The following LMTK3 variants were observed in gnomAD, a reference collection of about 807,000 sequenced individuals.
The protein encoded by LMTK3 is serine/threonine-protein kinase LMTK3.
A neutral mutation model predicts 116.7 loss-of-function variants in LMTK3; 27 were observed. That is an observed-to-expected ratio of 0.23 (90% CI 0.17 to 0.32). LMTK3 has a LOEUF of 0.32. LMTK3 is among the 10% of genes least tolerant of loss of function. The pLI, the probability that LMTK3 is intolerant of heterozygous loss-of-function variation, is 1.00. For synonymous variants in LMTK3, 965 were observed against 971.0 expected, an observed-to-expected ratio of 0.99 and a Z score of 0.11; for missense variants, 1,764 against 2,068.5, an observed-to-expected ratio of 0.85 and a Z score of 2.86.
intron 12 of LMTK3, 64 bp downstream of exon 12, chr19:48,493,630 C>A: frequency 2.7e-6 from 4 of 1,504,472 alleles, no homozygotes; most frequent in Non-Finnish European, 3.6e-6. Context: ...AGGCCCTTCC[C>A]GGCTCTAGGC....
chr19:48,502,480 C>G lies in LMTK3; in HGVS notation c.747G>C (p.Glu249Asp). The part of the protein sequence containing the change: ...DLRTLQRMGL[E>D]IARGLAHLHS... ...GCAGGTGCGCCAGCCCGCGGGCGAT[C>G]TCCAGGCCCATCCTCTGCAGCGTCC... Residue 249 changes from glutamate to aspartate, a missense_variant, in exon 7 of 15, where the codon GAG becomes GAC. Transcript: ENST00000600059. 5 of 1,611,478 alleles carry G rather than the reference C, an allele frequency of 3.1e-6. No homozygotes were observed. The highest frequency in any genetic ancestry group is 3.4e-6 in the Non-Finnish European group (4 of 1,179,226).
chr19:48,492,287 C>A (rs1601042070), intron 12 of LMTK3, among the ~76,000 whole-genome samples: 1 of 152,208 alleles, frequency 6.6e-6, no homozygotes, highest in African/African-American at 2.4e-5. Context: ...CTCCTGGGCT[C>A]AAGCGATCCT....
At chr19:48,508,483 T>C (rs1458877243) in intron 5 of LMTK3, among the ~76,000 whole-genome samples, 1 of 152,040 alleles carries the variant, frequency 6.6e-6, no homozygotes, top group African/African-American at 2.4e-5. Context: ...GTCTGTGGCC[T>C]GGGGAAGGGA....
At chr19:48,493,180 T>C (rs144422898) in intron 12 of LMTK3, among the ~76,000 whole-genome samples, 4,393 of 150,970 alleles carry the variant, frequency 0.029, 78 homozygotes, top group South Asian at 0.083. Context: ...AGGCGCGGTC[T>C]CCTTCCAGGC....
intron 5 of LMTK3, 122 bp downstream of exon 5, chr19:48,508,729 G>A (rs1430525648): frequency 1.2e-6 from 1 of 802,620 alleles, no homozygotes. Flanking sequence ...AGGGAGGGAA[G>A]TTCTCCTGCC....
rs1033696844 is a variant in LMTK3, at chr19:48,510,040, G to T, written c.344C>A (p.Pro115Gln). 2.5e-6 allele frequency: 4 copies of T among 1,613,900 alleles called. No individual in the cohort carries two copies. The highest frequency in any genetic ancestry group is 1.7e-6 in the Non-Finnish European group (2 of 1,179,870). Reference sequence around the variant, plus strand: ...GGCAGTACCTGAGTGTGAAGGCTGCGGGGCAGGCATTGGCAGGGAGACCTC... The same window carrying T: ...GGCAGTACCTGAGTGTGAAGGCTGCTGGGCAGGCATTGGCAGGGAGACCTC... ...LAEVSLPMPA[P>Q]QPSHSDMTTP... The change falls in exon 3 of 15, where the codon CCG becomes CAG. Residue 115 changes from proline (P) to glutamine (Q), a missense_variant. Pro to Gln is a moderately conservative substitution (Grantham distance 76, BLOSUM62 -1). Transcript: ENST00000600059.
At position 48,511,533 on chromosome 19, in the gene LMTK3, G is replaced by T; in HGVS notation, c.44C>A (p.Ala15Asp). The T allele has an allele frequency of 7.0e-7, 1 of 1,424,958 alleles. No individual in the cohort carries two copies. Among genetic ancestry groups the T allele is most frequent in the South Asian group, 1.5e-5 (1 of 66,520 alleles). The allele number at this position is 1,424,958 out of a possible 1,614,324, so 88.3% of individuals were successfully genotyped here. A position where few individuals can be genotyped will look rare whatever the true frequency, so the allele number is the denominator to read the frequency against. ...GGCCGGGGACGCCAGGCAGCCGGAG[G>T]CGGAGACGGCCGCAAGGAGGATGAG... ...GALILLAAVSASGCLASPAHP... is the reference protein window; with the variant it reads ...GALILLAAVSDSGCLASPAHP... Residue 15 changes from alanine to aspartate, a missense_variant, in exon 1 of 15, where the codon GCC (alanine) becomes GAC (aspartate). Transcript: ENST00000600059.
chr19:48,486,927 G>A (rs1395781298), intron 14 of LMTK3, among the ~76,000 whole-genome samples: 1 of 151,502 alleles, frequency 6.6e-6, no homozygotes, highest in Non-Finnish European at 1.5e-5. Context: ...ATGCAGTGGC[G>A]CAATCTTGAC....
chr19:48,505,853 C>T (rs1306036467), intron 5 of LMTK3, among the ~76,000 whole-genome samples: 7 of 131,102 alleles, frequency 5.3e-5, no homozygotes, highest in African/African-American at 2.0e-4. Context: ...AAGATTGAAA[C>T]TCTGTCTAAA....
At chr19:48,505,888 C>A (rs1347054903) in intron 5 of LMTK3, among the ~76,000 whole-genome samples, 1 of 146,152 alleles carries the variant, frequency 6.8e-6, no homozygotes, top group Non-Finnish European at 1.5e-5. Context: ...AGTCTGTAAT[C>A]CGAATACTTT....
At position 48,485,590 on chromosome 19, in the gene LMTK3, TGGGGGGCG is replaced by T; in HGVS notation, c.*175_*182del. On this transcript the variant is annotated 3_prime_UTR_variant, in exon 15 of 15. Transcript: ENST00000600059. ...GGGTCAGGGGAGCCATCTGGGGGGC[TGGGGGGCG>T]GGGGCCCGGGGCCTCCCGTTTGGCA... is the stretch of plus-strand genomic sequence containing the variant. The T allele has an allele frequency of 6.9e-6, 3 of 436,784 alleles. No homozygotes were observed. The highest frequency in any genetic ancestry group is 1.1e-5 in the Non-Finnish European group (3 of 271,386). The allele number at this position is 436,784 out of a possible 1,614,324, so 27.1% of individuals were successfully genotyped here.
At position 48,494,774 on chromosome 19, in the gene LMTK3, T is replaced by C. The variant is rs1294242705; in HGVS notation, c.3677-665A>G. On this transcript the variant is annotated intron_variant, in intron 11 of 14. Transcript: ENST00000600059. This position sits in a 1 kb window ranked among gnomAD's most constrained non-coding sequence, Gnocchi z 4.0. The stretch of plus-strand genomic sequence containing the variant: ...GAGGTGGGGCAGGGAGAAAGATGAA[T>C]GCAGACGGTCCCTCTCAGGTCCTCG... Among the ~76,000 whole-genome samples the C allele has an allele frequency of 6.6e-6, 1 of 152,190 alleles. No homozygotes were observed. Among genetic ancestry groups the C allele is most frequent in the Non-Finnish European group, 1.5e-5 (1 of 68,036 alleles).
At position 48,487,484 on chromosome 19, in the gene LMTK3, CT is replaced by C. The variant is rs989477400; in HGVS notation, c.4367-1696del. Among the ~76,000 whole-genome samples, 27 of 152,244 alleles carry C rather than the reference CT, an allele frequency of 1.8e-4. 3 individuals carry two copies. Among genetic ancestry groups the C allele is most frequent in the African/African-American group, 6.5e-4 (27 of 41,550 alleles). On this transcript the variant is annotated intron_variant, in intron 14 of 14. Coordinates refer to ENST00000600059, the MANE Select transcript of LMTK3 (RefSeq NM_001388485.1). ...GCCACCATGCCTGGCCTACCCTGTC[CT>C]TGTGGAAAAGCTTCCTGTCTGCTTG...
intron 5 of LMTK3, among the ~76,000 whole-genome samples, chr19:48,508,061 C>T (rs750246356): frequency 1.2e-4 from 18 of 151,948 alleles, no homozygotes; most frequent in South Asian, 2.1e-4. Context: ...AGGTCCGATG[C>T]GCTGCGGCAG....
At position 48,497,622 on chromosome 19, in the gene LMTK3, C is replaced by A. The variant is rs528592329; in HGVS notation, c.3447G>T (p.Pro1149=). 18 of 1,267,144 alleles carry A rather than the reference C, an allele frequency of 1.4e-5. No homozygotes were observed. In the Admixed American group the frequency reaches 2.4e-4, roughly 17 times the overall value. The allele number at this position is 1,267,144 out of a possible 1,614,324, so 78.5% of individuals were successfully genotyped here. The change falls in exon 11 of 15, where the codon CCG becomes CCT. Residue 1149 remains proline, a synonymous_variant. Transcript: ENST00000600059. This position sits in a 1 kb window ranked among gnomAD's most constrained non-coding sequence, Gnocchi z 5.7. ...DNTRPQPPPP[P]LPPPPEAQPR... is the part of the protein sequence containing the mutation. ...GCTGTGCCTCCGGTGGCGGTGGCAGCGGTGGCGGCGGTGGCTGCGGCCTCG... is the reference window on the plus strand; with the variant it reads ...GCTGTGCCTCCGGTGGCGGTGGCAGAGGTGGCGGCGGTGGCTGCGGCCTCG...
Position 48,493,952 on chromosome 19 carries a change from C to T in LMTK3, c.3834G>A (p.Gly1278=), listed in dbSNP as rs1043963374. 15 of 1,041,126 alleles carry T rather than the reference C, an allele frequency of 1.4e-5. 1 individual carries two copies. The highest frequency in any genetic ancestry group is 1.7e-5 in the African/African-American group (1 of 57,882). 64.5% of individuals were successfully genotyped at this position (1,041,126 alleles called of 1,614,324 possible). A position where few individuals can be genotyped will look rare whatever the true frequency, so the allele number is the denominator to read the frequency against. Residue 1278 remains glycine (G), a synonymous_variant, in exon 12 of 15, where the codon GGG becomes GGA. Coordinates refer to ENST00000600059, the MANE Select transcript of LMTK3 (RefSeq NM_001388485.1). ...CCTCCTCGTCCTCGTCCTCGTCCTC[C>T]CCGTCCTCCTCCGCCGGCCCCGGCG... The part of the protein sequence containing the change: ...AGAPGPAEED[G]EDEDEDEEED...
chr19:48,503,311 G>T (rs1423523241), intron 5 of LMTK3, among the ~76,000 whole-genome samples: 1 of 152,140 alleles, frequency 6.6e-6, no homozygotes, highest in Non-Finnish European at 1.5e-5. Flanking sequence ...GGCTCCCAAA[G>T]TGCTGGGATT....
chr19:48,504,447 T>C (rs77709727), intron 5 of LMTK3, among the ~76,000 whole-genome samples: 4,067 of 152,320 alleles, frequency 0.027, 190 homozygotes, highest in African/African-American at 0.093. Context: ...CGATAACAAC[T>C]TCCTCTGAGG....
Position 48,497,362 on chromosome 19 carries a change from C to T in LMTK3, c.3676+31G>A. On this transcript the variant is annotated intron_variant, in intron 11 of 14. Transcript: ENST00000600059. This position sits in a 1 kb window ranked among gnomAD's most constrained non-coding sequence, Gnocchi z 5.7. ...GCACGCCTCGGAAACAGCCGGACCTCAGCCCTGACTGTGCCCCGCAGCCTC... is the reference window on the plus strand; with the variant it reads ...GCACGCCTCGGAAACAGCCGGACCTTAGCCCTGACTGTGCCCCGCAGCCTC... The T allele has an allele frequency of 6.9e-7, 1 of 1,442,196 alleles. No individual in the cohort carries two copies. Among genetic ancestry groups the T allele is most frequent in the Non-Finnish European group, 9.1e-7 (1 of 1,094,678 alleles). The allele number at this position is 1,442,196 out of a possible 1,614,324, so 89.3% of individuals were successfully genotyped here.
Sources: allele counts gnomAD v4.1 joint callset (sites outside exome capture counted in the v4.1 genomes callset), GRCh38; gene constraint gnomAD v4.1.1; non-coding constraint Gnocchi (gnomAD v3.1); transcripts MANE v1.5; gene names NCBI Gene and HGNC (gene_info 2026-07-23, HGNC 2026-07-21).